The following THSD7B variants were observed in gnomAD, a reference collection of about 807,000 sequenced individuals.
The protein encoded by THSD7B is thrombospondin type-1 domain-containing protein 7B.
In THSD7B, 138 loss-of-function variants were observed where a neutral mutation model predicts 213.6. The observed-to-expected ratio is 0.65, with a 90% CI of 0.56 to 0.74. THSD7B has a LOEUF of 0.74. Ranked by LOEUF, THSD7B falls within the 30% of genes least tolerant of loss-of-function variation. THSD7B has a pLI of 0.00. For synonymous variants in THSD7B, 742 were observed against 687.0 expected (o/e 1.08, Z -1.25); for missense variants, 1,931 against 1,991.5 (o/e 0.97, Z 0.58).
intron 12 of THSD7B, among the ~76,000 whole-genome samples, chr2:137,302,279 G>GA (rs11396914): frequency 0.061 from 9,331 of 152,032 alleles, 538 homozygotes; most frequent in African/African-American, 0.14. Context: ...GGGGAAATGA[G>GA]AAAAAAACAG....
chr2:137,054,942 C>A (rs1033413540), intron 2 of THSD7B, among the ~76,000 whole-genome samples: 1 of 152,048 alleles, frequency 6.6e-6, no homozygotes, highest in East Asian at 1.9e-4. Flanking sequence ...GCCCCCCATA[C>A]CACGACAGGC....
chr2:137,524,069 A>T (rs1310675199), intron 15 of THSD7B, among the ~76,000 whole-genome samples: 4 of 152,126 alleles, frequency 2.6e-5, no homozygotes, highest in African/African-American at 9.7e-5. Flanking sequence ...ATATGTGTTT[A>T]CTGCATTGAA....
chr2:136,857,155 A>G (rs1229197102), intron 1 of THSD7B, among the ~76,000 whole-genome samples: 2 of 152,222 alleles, frequency 1.3e-5, no homozygotes, highest in Admixed American at 1.3e-4. Context: ...TTAAAACTTA[A>G]ATTGGCTATA....
intron 7 of THSD7B, among the ~76,000 whole-genome samples, chr2:137,191,526 A>C (rs1680659450): frequency 6.6e-6 from 1 of 151,810 alleles, no homozygotes; most frequent in Non-Finnish European, 1.5e-5. Context: ...TTCTTACCAG[A>C]TGTCTGGGTT....
chr2:136,930,245 A>C (rs1684604929), intron 2 of THSD7B, among the ~76,000 whole-genome samples: 1 of 152,224 alleles, frequency 6.6e-6, no homozygotes, highest in African/African-American at 2.4e-5. Flanking sequence ...AAAATAGGAC[A>C]GAATTGGAGC....
At chr2:137,130,469 C>T (rs1358273770) in intron 5 of THSD7B, among the ~76,000 whole-genome samples, 1 of 151,658 alleles carries the variant, frequency 6.6e-6, no homozygotes, top group African/African-American at 2.4e-5. Context: ...TGCTGGTGTG[C>T]TGCACACATT....
chr2:137,466,357 A>G (rs986251245), intron 15 of THSD7B, among the ~76,000 whole-genome samples: 2 of 152,156 alleles, frequency 1.3e-5, no homozygotes, highest in African/African-American at 4.8e-5. Flanking sequence ...GGGAGGTCAT[A>G]AAGTGTGAAG....
intron 15 of THSD7B, among the ~76,000 whole-genome samples, chr2:137,533,006 G>A (rs921147807): frequency 6.6e-6 from 1 of 150,574 alleles, no homozygotes; most frequent in Non-Finnish European, 1.5e-5. Context: ...ATGTATCTAT[G>A]TAATATTCCT....
chr2:136,811,577 A>T (rs1399918352), intron 1 of THSD7B, among the ~76,000 whole-genome samples: 1 of 152,166 alleles, frequency 6.6e-6, no homozygotes, highest in Non-Finnish European at 1.5e-5. Context: ...GTAGCTTATC[A>T]TTATGATTAA....
intron 17 of THSD7B, among the ~76,000 whole-genome samples, chr2:137,593,261 AC>A (rs564423043): frequency 5.7e-4 from 86 of 152,078 alleles, no homozygotes; most frequent in African/African-American, 1.9e-3. Context: ...GAATATCTGC[AC>A]CCATTTCTCT....
In THSD7B at chr2:137,674,310, G is replaced by GA. The variant is rs532501979; in HGVS notation, c.4740-2208dup. On this transcript the variant is annotated intron_variant, in intron 27 of 27. Transcript: ENST00000409968. ...TCTTCTTCTTTGCTCCCTTCCCGCA[G>GA]AAAAAAGAAAACCAAGAGAGGTGGG... Among the ~76,000 whole-genome samples, 9 of 147,950 alleles carry GA rather than the reference G, an allele frequency of 6.1e-5. No homozygotes were observed. The South Asian group carries it at 1.9e-3, about 31-fold the overall frequency.
chr2:137,665,760 T>C (rs1683434145), intron 26 of THSD7B, among the ~76,000 whole-genome samples: 1 of 152,064 alleles, frequency 6.6e-6, no homozygotes. Flanking sequence ...AATAGAATAA[T>C]GGGAAAACCA....
chr2:137,432,682 C>T (rs540971525), intron 14 of THSD7B, among the ~76,000 whole-genome samples: 1 of 152,312 alleles, frequency 6.6e-6, no homozygotes, highest in South Asian at 2.1e-4. Flanking sequence ...TGGACTTCCT[C>T]TCACTGTTCC....
chr2:137,661,454 G>A (rs958886314), intron 25 of THSD7B, among the ~76,000 whole-genome samples: 1 of 151,782 alleles, frequency 6.6e-6, no homozygotes, highest in Non-Finnish European at 1.5e-5. Context: ...ATGTAAGGCT[G>A]CCCTCCTTGA....
At chr2:137,251,224 A>G (rs1324110963) in intron 10 of THSD7B, among the ~76,000 whole-genome samples, 1 of 152,238 alleles carries the variant, frequency 6.6e-6, no homozygotes, top group East Asian at 1.9e-4. Flanking sequence ...AAATTTGCAT[A>G]GCTTAATGCA....
At chr2:137,590,714 G>A (rs947392435) in intron 17 of THSD7B, among the ~76,000 whole-genome samples, 2 of 146,578 alleles carry the variant, frequency 1.4e-5, no homozygotes, top group South Asian at 2.2e-4. Context: ...CTTTTTATAC[G>A]TTAATTTTGT....
At chr2:136,958,934 G>A (rs549067064) in intron 2 of THSD7B, among the ~76,000 whole-genome samples, 6 of 152,264 alleles carry the variant, frequency 3.9e-5, no homozygotes, top group African/African-American at 9.6e-5. Context: ...AGAATGTGGC[G>A]GGGGAGGATT....
chr2:137,087,510 C>T (rs150763195), intron 3 of THSD7B, among the ~76,000 whole-genome samples: 1 of 152,216 alleles, frequency 6.6e-6, no homozygotes, highest in African/African-American at 2.4e-5. Flanking sequence ...ATACCAACAG[C>T]GACCAAGCTG....
At position 137,642,512 on chromosome 2, in the gene THSD7B, T is replaced by C; in HGVS notation, c.3824T>C (p.Ile1275Thr). ...HGGRMSRTRF[I>T]IMPTQGEGRP... ...GGTCGAATGAGCCGGACTCGATTTA[T>C]CATTATGCCAACCCAAGGAGAAGGA... The change falls in exon 21 of 28, where the codon ATC becomes ACC. Residue 1275 changes from isoleucine to threonine, a missense_variant. By Grantham distance (89) the Ile-to-Thr change is moderately conservative (BLOSUM62 -1). Coordinates refer to ENST00000409968, the MANE Select transcript of THSD7B (RefSeq NM_001316349.2). 1.9e-6 allele frequency: 3 copies of C among 1,613,896 alleles called. No homozygotes were observed. Among genetic ancestry groups the C allele is most frequent in the Non-Finnish European group, 2.5e-6 (3 of 1,179,858 alleles).
Sources: gnomAD v4.1 joint callset for allele counts (sites outside exome capture counted in the v4.1 genomes callset) on GRCh38, gnomAD v4.1.1 for gene constraint, MANE v1.5 for transcripts, NCBI Gene and HGNC (gene_info 2026-07-23, HGNC 2026-07-21) for gene names.